The following HPSE2 variants were observed in gnomAD, a reference collection of about 807,000 sequenced individuals.
The protein encoded by HPSE2 is inactive heparanase-2.
Under a neutral mutation model 60.5 loss-of-function variants are expected in HPSE2, and 38 were observed. That is an observed-to-expected ratio of 0.63 (90% CI 0.48 to 0.82). The LOEUF (loss-of-function observed/expected upper bound fraction) is 0.82, where lower values mean the gene tolerates loss of function less well. Among genes scored for constraint, HPSE2 ranks in the 40% least tolerant of loss-of-function variants. The probability of loss-of-function intolerance (pLI) is 0.00; values close to 1 mark genes in which losing one functional copy is unlikely to be tolerated. For synonymous variants in HPSE2, 295 were observed against 293.2 expected, an observed-to-expected ratio of 1.01 and a Z score of -0.06; for missense variants, 713 against 740.4, an observed-to-expected ratio of 0.96 and a Z score of 0.43.
At chr10:98,548,154 C>T (rs1415657655) in intron 9 of HPSE2, among the ~76,000 whole-genome samples, 2 of 152,136 alleles carry the variant, frequency 1.3e-5, no homozygotes, top group Non-Finnish European at 2.9e-5. Context: ...AAGAACAAAG[C>T]ATTATGGCCA....
At chr10:99,085,649 G>T (rs144764944) in intron 3 of HPSE2, among the ~76,000 whole-genome samples, 1 of 152,176 alleles carries the variant, frequency 6.6e-6, no homozygotes, top group South Asian at 2.1e-4. Flanking sequence ...ATAAAAACTG[G>T]GTGTGTGTAT....
chr10:98,626,796 G>A (rs769726958), intron 7 of HPSE2, among the ~76,000 whole-genome samples: 2 of 151,424 alleles, frequency 1.3e-5, no homozygotes, highest in East Asian at 3.9e-4. Flanking sequence ...TTCTCAAGAC[G>A]GAGTCTCGCT....
intron 3 of HPSE2, among the ~76,000 whole-genome samples, chr10:98,900,469 G>A (rs904800694): frequency 1.3e-5 from 2 of 152,008 alleles, no homozygotes; most frequent in African/African-American, 4.8e-5. Context: ...GGGGATGATG[G>A]ATATACAGTA....
At chr10:98,622,667 A>C (rs1225878993) in intron 7 of HPSE2, among the ~76,000 whole-genome samples, 1 of 152,186 alleles carries the variant, frequency 6.6e-6, no homozygotes, top group African/African-American at 2.4e-5. Context: ...AAATTACACA[A>C]ATTTGAGATT....
intron 3 of HPSE2, among the ~76,000 whole-genome samples, chr10:98,823,152 G>T (rs1333732754): frequency 6.6e-6 from 1 of 152,094 alleles, no homozygotes; most frequent in Non-Finnish European, 1.5e-5. Flanking sequence ...AATCTGAAAA[G>T]GTCAAGGAAA....
intron 3 of HPSE2, among the ~76,000 whole-genome samples, chr10:98,931,459 T>G (rs1390982765): frequency 6.9e-6 from 1 of 144,218 alleles, no homozygotes; most frequent in Non-Finnish European, 1.5e-5. Context: ...CAAGCTCTTT[T>G]TTGGTTCCAT....
chr10:99,211,014 C>A (rs1218090694), intron 2 of HPSE2, among the ~76,000 whole-genome samples: 3 of 151,966 alleles, frequency 2.0e-5, no homozygotes, highest in Non-Finnish European at 4.4e-5. Flanking sequence ...ATCTAGAAAA[C>A]CCTAAGATTC....
intron 6 of HPSE2, among the ~76,000 whole-genome samples, chr10:98,653,637 A>G (rs1946979779): frequency 1.3e-5 from 2 of 151,806 alleles, no homozygotes; most frequent in Admixed American, 1.3e-4. Context: ...GAGTATCCTA[A>G]ATTTATCCCA....
In HPSE2 at chr10:99,201,051, C is replaced by T. The variant is rs1375753864; in HGVS notation, c.448+31297G>A. Among the ~76,000 whole-genome samples the T allele has an allele frequency of 2.0e-5, 3 of 152,150 alleles. No homozygotes were observed. The South Asian group carries it at 6.2e-4, about 32-fold the overall frequency. ...ATTGTTTTCAGCTGATTTGACAGAG[C>T]CAAAAATCTAATCTGCACTGAATTT... On this transcript the variant is annotated intron_variant, in intron 2 of 11. Coordinates refer to ENST00000370552, the MANE Select transcript of HPSE2 (RefSeq NM_021828.5).
chr10:98,925,337 CTTAT>C (rs916966919), intron 3 of HPSE2, among the ~76,000 whole-genome samples: 5 of 148,320 alleles, frequency 3.4e-5, no homozygotes, highest in African/African-American at 1.2e-4. Context: ...CTCCCTAGAT[CTTAT>C]TTAAACCTTT....
At chr10:99,172,242 A>T (rs186056692) in intron 2 of HPSE2, among the ~76,000 whole-genome samples, 60 of 151,994 alleles carry the variant, frequency 3.9e-4, no homozygotes, top group African/African-American at 1.4e-3. Flanking sequence ...AAACATCTGA[A>T]TTTTTTTTAT....
At chr10:99,213,949 T>C (rs1462003017) in intron 2 of HPSE2, among the ~76,000 whole-genome samples, 1 of 152,160 alleles carries the variant, frequency 6.6e-6, no homozygotes, top group Non-Finnish European at 1.5e-5. Flanking sequence ...ATTTTGTAAA[T>C]CATATGTTTG....
intron 9 of HPSE2, among the ~76,000 whole-genome samples, chr10:98,493,460 TA>T (rs1366538248): frequency 1.3e-5 from 2 of 152,222 alleles, no homozygotes; most frequent in East Asian, 1.9e-4. Context: ...TTTCACTTCA[TA>T]TTTTTTTGTG....
chr10:99,283,950 C>A, the HPSE2 span, among the ~76,000 whole-genome samples: 1 of 151,768 alleles, frequency 6.6e-6, no homozygotes, highest in East Asian at 1.9e-4. Context: ...ACCAATTCTG[C>A]CATTTAAAAA....
chr10:99,180,733 C>A (rs1187332368), intron 2 of HPSE2, among the ~76,000 whole-genome samples: 11 of 150,906 alleles, frequency 7.3e-5, no homozygotes, highest in Non-Finnish European at 1.5e-4. Flanking sequence ...AAAATACACA[C>A]AAAAAAATTA....
At chr10:99,125,508 G>A (rs1845127786) in intron 3 of HPSE2, among the ~76,000 whole-genome samples, 1 of 152,196 alleles carries the variant, frequency 6.6e-6, no homozygotes, top group Non-Finnish European at 1.5e-5. Context: ...AACAGCATGT[G>A]GAGATTCACA....
intron 3 of HPSE2, among the ~76,000 whole-genome samples, chr10:98,853,027 A>G (rs1448766010): frequency 6.6e-6 from 1 of 152,264 alleles, no homozygotes. Context: ...CTACAAAACA[A>G]AAGTTTTAAA....
At chr10:98,801,723 T>A (rs1950912943) in intron 3 of HPSE2, among the ~76,000 whole-genome samples, 1 of 152,082 alleles carries the variant, frequency 6.6e-6, no homozygotes, top group African/African-American at 2.4e-5. Context: ...ATATTCCATG[T>A]TCATGGATTG....
intron 7 of HPSE2, among the ~76,000 whole-genome samples, chr10:98,620,933 C>G (rs1203754996): frequency 6.6e-6 from 1 of 152,132 alleles, no homozygotes; most frequent in Non-Finnish European, 1.5e-5. Flanking sequence ...TCATTTTTCC[C>G]TAAGTAAACC....
Sources: allele counts gnomAD v4.1 joint callset (sites outside exome capture counted in the v4.1 genomes callset), GRCh38; gene constraint gnomAD v4.1.1; transcripts MANE v1.5; gene names NCBI Gene and HGNC (gene_info 2026-07-23, HGNC 2026-07-21).